Variants in KLKB1 observed in about 807,000 individuals in gnomAD.
KLKB1 encodes kallikrein B1.
In KLKB1, 58 loss-of-function variants were observed where a neutral mutation model predicts 73.6. That is an observed-to-expected ratio of 0.79 (90% confidence interval 0.64 to 0.98). The LOEUF (loss-of-function observed/expected upper bound fraction) is 0.98, where lower values mean the gene tolerates loss of function less well. Among genes scored for constraint, KLKB1 ranks in the 50% least tolerant of loss-of-function variants. The probability of loss-of-function intolerance (pLI) is 0.00; values close to 1 mark genes in which losing one functional copy is unlikely to be tolerated. For synonymous variants in KLKB1, 280 were observed against 258.1 expected (o/e 1.08, Z -0.81); for missense variants, 737 against 763.8 (o/e 0.96, Z 0.41).
chr4:186,232,142 T>G lies in KLKB1; in HGVS notation c.74T>G (p.Leu25Arg), dbSNP rs750128151. The change falls in exon 3 of 15, where the codon CTC becomes CGC. Residue 25 changes from leucine (L) to arginine (R), a missense_variant. Leu to Arg is a moderately radical substitution (Grantham distance 102). Transcript: ENST00000264690. The stretch of plus-strand genomic sequence containing the variant: ...TCTGTCACAGGATGTCTGACTCAAC[T>G]CTATGAAAACGCCTTCTTCAGAGGT... ...ATVSCGCLTQ[L>R]YENAFFRGGD... is the part of the protein sequence containing the mutation. 21 of 1,612,124 alleles carry G rather than the reference T, an allele frequency of 1.3e-5. No individual in the cohort carries two copies. In the East Asian group the frequency reaches 4.7e-4, roughly 36 times the overall value.
intron 6 of KLKB1, among the ~76,000 whole-genome samples, chr4:186,242,215 C>T (rs4253266): frequency 0.27 from 40,768 of 151,694 alleles, 5,576 homozygotes; most frequent in South Asian, 0.31. Flanking sequence ...CACAAGGTAA[C>T]GTCATCAGTT....
At chr4:186,253,987 C>G (rs1168516583) in intron 11 of KLKB1, among the ~76,000 whole-genome samples, 2 of 152,120 alleles carry the variant, frequency 1.3e-5, no homozygotes, top group Non-Finnish European at 2.9e-5. Context: ...AGGCGCGCGC[C>G]ACACCTGGCT....
rs142462112 is a variant in KLKB1 at position 186,232,278 on chromosome 4, C to A, written c.210C>A (p.Asp70Glu). ...FSFLPASSIN[D>E]MEKRFGCFLK... ...TTCTTCCAGCAAGTTCAATCAATGACATGGAGAAAAGGTAAAAGTTGGTAT... is the reference window on the plus strand; with the variant it reads ...TTCTTCCAGCAAGTTCAATCAATGAAATGGAGAAAAGGTAAAAGTTGGTAT... The change falls in exon 3 of 15, where the codon GAC (aspartate) becomes GAA (glutamate). Residue 70 changes from aspartate (D) to glutamate (E), a missense_variant. By Grantham distance (45) the Asp-to-Glu change is conservative. Coordinates refer to ENST00000264690, the MANE Select transcript of KLKB1 (RefSeq NM_000892.5). The A allele has an allele frequency of 6.9e-5, 112 of 1,613,908 alleles. No homozygotes were observed. The African/African-American group carries it at 1.4e-3, about 20-fold the overall frequency.
At chr4:186,254,860 C>T (rs1738903473) in intron 12 of KLKB1, 97 bp downstream of exon 12, 3 of 1,094,164 alleles carry the variant, frequency 2.7e-6, no homozygotes, top group Non-Finnish European at 4.0e-6. Context: ...AGACTGTCGT[C>T]GTTTTCTGAC....
At chr4:186,211,014 T>C in intron 2 of KLKB1, 1 of 221,140 alleles carries the variant, frequency 4.5e-6, no homozygotes, top group East Asian at 1.3e-4. Flanking sequence ...TTTTTTTGTA[T>C]TTTTAGTAGA....
intron 6 of KLKB1, among the ~76,000 whole-genome samples, chr4:186,238,928 TGTTATA>T (rs1276632081): frequency 1.9e-4 from 17 of 89,828 alleles, no homozygotes; most frequent in East Asian, 9.0e-4. Flanking sequence ...ACAGTGATAC[TGTTATA>T]GTTATAGGAA....
rs758014329 is a variant in KLKB1, at chr4:186,232,146, T to C, written c.78T>C (p.Tyr26=). The C allele has an allele frequency of 1.2e-6, 2 of 1,612,810 alleles. No homozygotes were observed. Among genetic ancestry groups the C allele is most frequent in the African/African-American group, 2.7e-5 (2 of 74,914 alleles). Residue 26 remains tyrosine (Y), a synonymous_variant, in exon 3 of 15, where the codon TAT becomes TAC. Transcript: ENST00000264690. Reference sequence around the variant, plus strand: ...TCACAGGATGTCTGACTCAACTCTATGAAAACGCCTTCTTCAGAGGTGGGG... The same window carrying C: ...TCACAGGATGTCTGACTCAACTCTACGAAAACGCCTTCTTCAGAGGTGGGG... ...TVSCGCLTQL[Y]ENAFFRGGDV... is the part of the protein sequence containing the mutation.
chr4:186,252,076 T>C lies in KLKB1; in HGVS notation c.1204T>C (p.Trp402Arg). The C allele has an allele frequency of 6.2e-7, 1 of 1,613,082 alleles. No individual in the cohort carries two copies. The highest frequency in any genetic ancestry group is 8.5e-7 in the Non-Finnish European group (1 of 1,179,306). The change falls in exon 11 of 15, where the codon TGG becomes CGG. Residue 402 changes from tryptophan (W) to arginine (R), a missense_variant. Trp to Arg is a moderately radical substitution (Grantham distance 101, BLOSUM62 -3). Transcript: ENST00000264690. ...AGGAACAAACTCTTCTTGGGGAGAG[T>C]GGCCCTGGCAGGTGAGCCTGCAGGT... Reference protein sequence around the residue: ...VGGTNSSWGEWPWQVSLQVKL... With the variant: ...VGGTNSSWGERPWQVSLQVKL...
intron 11 of KLKB1, among the ~76,000 whole-genome samples, chr4:186,253,255 T>A (rs1281564842): frequency 6.6e-6 from 1 of 152,100 alleles, no homozygotes; most frequent in East Asian, 1.9e-4. Context: ...AGAAGACACT[T>A]GATTTTTCTC....
intron 13 of KLKB1, among the ~76,000 whole-genome samples, 153 bp downstream of exon 13, chr4:186,256,240 TA>T (rs1005554866): frequency 1.3e-5 from 2 of 152,092 alleles, no homozygotes; most frequent in South Asian, 4.1e-4. Context: ...CAGTTATTCT[TA>T]AAAAATGTAT....
chr4:186,254,849 G>A (rs1301230487), intron 12 of KLKB1, 86 bp downstream of exon 12: 7 of 1,242,056 alleles, frequency 5.6e-6, no homozygotes, highest in African/African-American at 1.5e-5. Flanking sequence ...CAGACCTAGA[G>A]AGACTGTCGT....
At chr4:186,224,183 G>A (rs1373543996), upstream of KLKB1, among the ~76,000 whole-genome samples, 2 of 152,262 alleles carry the variant, frequency 1.3e-5, no homozygotes, top group Admixed American at 6.5e-5. Flanking sequence ...CCAGGCAGAA[G>A]CCTGCTGCAG....
intron 4 of KLKB1, 112 bp from the exon 5 acceptor site, chr4:186,236,669 C>T (rs368741772): frequency 9.9e-7 from 1 of 1,012,902 alleles, no homozygotes; most frequent in Non-Finnish European, 1.5e-6. Context: ...ATAGCAGTTG[C>T]CAAAACTGGG....
At chr4:186,245,473 C>T (rs550983673) in intron 6 of KLKB1, among the ~76,000 whole-genome samples, 2 of 152,276 alleles carry the variant, frequency 1.3e-5, no homozygotes, top group African/African-American at 2.4e-5. Context: ...TTAGACAGTC[C>T]GATTTCTAGT....
intron 11 of KLKB1, among the ~76,000 whole-genome samples, chr4:186,253,508 T>G (rs1285444859): frequency 1.3e-5 from 2 of 152,164 alleles, no homozygotes; most frequent in Non-Finnish European, 2.9e-5. Flanking sequence ...TTTTACTAAA[T>G]GCACTCCAAT....
At position 186,258,118 on chromosome 4, in the gene KLKB1, C is replaced by A. The variant is rs1350492544; in HGVS notation, c.1823C>A (p.Pro608His). ...GAAGGCTGTGCCCGCAGGGAGCAAC[C>A]TGGTGTCTACACCAAAGTCGCTGAG... ...WGEGCARREQ[P>H]GVYTKVAEYM... The change falls in exon 15 of 15, where the codon CCT becomes CAT. Residue 608 changes from proline (P) to histidine (H), a missense_variant. Pro to His is a moderately conservative substitution (Grantham distance 77, BLOSUM62 -2). Transcript: ENST00000264690. 3 of 1,614,130 alleles carry A rather than the reference C, an allele frequency of 1.9e-6. No individual in the cohort carries two copies. Among genetic ancestry groups the A allele is most frequent in the Non-Finnish European group, 2.5e-6 (3 of 1,179,974 alleles).
chr4:186,211,143 T>G, intron 2 of KLKB1: 1 of 155,050 alleles, frequency 6.4e-6, no homozygotes, highest in East Asian at 1.9e-4. Flanking sequence ...CTGGCCAGAG[T>G]TTTTTATTTT....
At chr4:186,221,339 T>C (rs1028237912) in intron 2 of KLKB1, among the ~76,000 whole-genome samples, 5 of 151,752 alleles carry the variant, frequency 3.3e-5, no homozygotes, top group Non-Finnish European at 7.4e-5. Context: ...GTCTTTGGGC[T>C]TAGTTTTTTT....
chr4:186,238,189 G>A lies in KLKB1; in HGVS notation c.489-67G>A, dbSNP rs1285548973. The A allele has an allele frequency of 6.1e-6, 6 of 987,842 alleles. No individual in the cohort carries two copies. In the African/African-American group the frequency reaches 9.6e-5, roughly 16 times the overall value. The allele number at this position is 987,842 out of a possible 1,614,324, so 61.2% of individuals were successfully genotyped here. ...TCCACTGTGCATTTTAATACTAACT[G>A]TTACCTGCACTGCTCCCTGCCCCTC... On this transcript the variant is annotated intron_variant, in intron 5 of 14. Coordinates refer to ENST00000264690, the MANE Select transcript of KLKB1 (RefSeq NM_000892.5).
Sources: allele counts gnomAD v4.1 joint callset (sites outside exome capture counted in the v4.1 genomes callset), GRCh38; gene constraint gnomAD v4.1.1; transcripts MANE v1.5; gene names NCBI Gene and HGNC (gene_info 2026-07-23, HGNC 2026-07-21).